CCDC146: variants seen among roughly 807,000 people sequenced by gnomAD.
CCDC146 encodes coiled-coil domain containing 146.
In CCDC146, 92 loss-of-function variants were observed where a neutral mutation model predicts 119.3. The observed-to-expected ratio is 0.77, with a 90% CI of 0.65 to 0.92. CCDC146 has a LOEUF of 0.92. CCDC146 is among the 40% of genes least tolerant of loss of function. CCDC146 has a pLI of 0.00. For missense variants in CCDC146, 1,000 were observed against 1,103.0 expected, an observed-to-expected ratio of 0.91 and a Z score of 1.32; for synonymous variants, 372 against 371.8, an observed-to-expected ratio of 1.00 and a Z score of -0.01.
At chr7:77,154,450 TC>T (rs1791150677) in intron 1 of CCDC146, among the ~76,000 whole-genome samples, 1 of 129,346 alleles carries the variant, frequency 7.7e-6, no homozygotes, top group Admixed American at 7.9e-5. Context: ...ATGTTATCCC[TC>T]CCCCCTCCCC....
intron 9 of CCDC146, among the ~76,000 whole-genome samples, chr7:77,265,639 T>C (rs1244817773): frequency 6.6e-6 from 1 of 152,194 alleles, no homozygotes; most frequent in Non-Finnish European, 1.5e-5. Flanking sequence ...ATAAACCTAA[T>C]ACACAATGTA....
At chr7:77,286,761 A>G in intron 15 of CCDC146, 37 bp from the exon 16 acceptor site, 1 of 1,606,328 alleles carries the variant, frequency 6.2e-7, no homozygotes, top group Non-Finnish European at 8.5e-7. Context: ...ACTGAGCTAG[A>G]GCGTTCATTT....
chr7:77,142,730 T>C lies in CCDC146; in HGVS notation c.-12+19998T>C, dbSNP rs201637197. On this transcript the variant is annotated intron_variant, in intron 1 of 18. Coordinates refer to ENST00000285871, the MANE Select transcript of CCDC146 (RefSeq NM_020879.3). Reference sequence around the variant, plus strand: ...GTTTCCAGCTTCATCCATGTCCCTATGAAGGACATGAACTCATCCTTTTTT... The same window carrying C: ...GTTTCCAGCTTCATCCATGTCCCTACGAAGGACATGAACTCATCCTTTTTT... 2.6e-5 allele frequency among the ~76,000 whole-genome samples: 4 copies of C among 151,806 alleles called. No homozygotes were observed. In the East Asian group the frequency reaches 5.8e-4, roughly 22 times the overall value.
At chr7:77,244,556 A>G (rs149860769) in intron 4 of CCDC146, among the ~76,000 whole-genome samples, 17 of 152,348 alleles carry the variant, frequency 1.1e-4, no homozygotes, top group Admixed American at 1.0e-3. Flanking sequence ...TTGTGTTACA[A>G]TTGCCTACAG....
At chr7:77,212,296 G>C (rs1471666588) in intron 2 of CCDC146, among the ~76,000 whole-genome samples, 2 of 151,990 alleles carry the variant, frequency 1.3e-5, no homozygotes, top group African/African-American at 4.8e-5. Flanking sequence ...ATAAGAATAA[G>C]CTTTCCTATT....
chr7:77,290,132 A>G (rs7798626), intron 17 of CCDC146, among the ~76,000 whole-genome samples: 36,155 of 151,298 alleles, frequency 0.24, 5,105 homozygotes, highest in African/African-American at 0.39. Context: ...TCAGCAAACT[A>G]TCACAAGGAC....
In CCDC146 at chr7:77,196,239, C is replaced by G. The variant is rs766846655; in HGVS notation, c.156+28415C>G. On this transcript the variant is annotated intron_variant, in intron 2 of 18. Transcript: ENST00000285871. This position sits in a 1 kb window ranked among gnomAD's most constrained non-coding sequence, Gnocchi z 4.2. ...TAAAGTGCTGAAGGAATTAATTGCCCTATTAGATAACGAATACCTGGAGGA... is the reference window on the plus strand; with the variant it reads ...TAAAGTGCTGAAGGAATTAATTGCCGTATTAGATAACGAATACCTGGAGGA... 1 of 1,434,832 alleles carries G rather than the reference C, an allele frequency of 7.0e-7. No homozygotes were observed. Among genetic ancestry groups the G allele is most frequent in the Non-Finnish European group, 9.6e-7 (1 of 1,038,110 alleles). 88.9% of individuals were successfully genotyped at this position (1,434,832 alleles called of 1,614,324 possible).
intron 1 of CCDC146, among the ~76,000 whole-genome samples, chr7:77,154,166 T>G (rs1791146919): frequency 1.3e-5 from 2 of 152,118 alleles, no homozygotes; most frequent in Non-Finnish European, 2.9e-5. Context: ...GGGTTGACTA[T>G]AATGTGCTGT....
intron 9 of CCDC146, among the ~76,000 whole-genome samples, chr7:77,263,596 C>T (rs746048265): frequency 6.6e-6 from 1 of 152,218 alleles, no homozygotes; most frequent in Non-Finnish European, 1.5e-5. Context: ...ACTTGGACTT[C>T]GTCTTGCTGT....
chr7:77,270,179 C>T (rs1468335873), intron 9 of CCDC146, among the ~76,000 whole-genome samples: 1 of 152,144 alleles, frequency 6.6e-6, no homozygotes, highest in Non-Finnish European at 1.5e-5. Flanking sequence ...TTTACAGCAA[C>T]AAGTAATGTC....
intron 1 of CCDC146, among the ~76,000 whole-genome samples, chr7:77,143,963 G>A (rs373348832): frequency 2.6e-5 from 4 of 151,806 alleles, no homozygotes; most frequent in East Asian, 3.8e-4. Flanking sequence ...AAAGTAATTG[G>A]TAGCTTGATG....
chr7:77,168,866 GC>G (rs1791377681), intron 2 of CCDC146, among the ~76,000 whole-genome samples: 1 of 151,660 alleles, frequency 6.6e-6, no homozygotes, highest in Admixed American at 6.6e-5. Flanking sequence ...AAGACACGAT[GC>G]CCCTTTATAC....
chr7:77,216,503 G>A (rs528569660), intron 2 of CCDC146, among the ~76,000 whole-genome samples: 1 of 152,106 alleles, frequency 6.6e-6, no homozygotes, highest in East Asian at 1.9e-4. Context: ...CTTGAGTTTG[G>A]GAATATAGTG....
chr7:77,126,713 C>G (rs967553085), intron 1 of CCDC146, among the ~76,000 whole-genome samples: 1 of 152,058 alleles, frequency 6.6e-6, no homozygotes, highest in Non-Finnish European at 1.5e-5. Context: ...GTCTGTCTAT[C>G]CTCTTCGTCC....
At chr7:77,265,513 G>T (rs574309323) in intron 9 of CCDC146, among the ~76,000 whole-genome samples, 1 of 152,154 alleles carries the variant, frequency 6.6e-6, no homozygotes, top group Non-Finnish European at 1.5e-5. Context: ...CTTAGCTCAA[G>T]AAGGGTTATA....
intron 2 of CCDC146, chr7:77,194,709 A>G (rs1202963483): frequency 6.6e-6 from 1 of 152,108 alleles, no homozygotes. Flanking sequence ...AGACACCAGA[A>G]ATTAAAAAAA....
intron 11 of CCDC146, among the ~76,000 whole-genome samples, chr7:77,277,085 AAAGAAT>A (rs1774303804): frequency 6.6e-6 from 1 of 152,088 alleles, no homozygotes; most frequent in South Asian, 2.1e-4. Flanking sequence ...AACGAAAAAT[AAAGAAT>A]AAGAAGGAAG....
intron 1 of CCDC146, among the ~76,000 whole-genome samples, chr7:77,126,642 A>G (rs1276608632): frequency 1.3e-5 from 2 of 151,958 alleles, no homozygotes; most frequent in Non-Finnish European, 2.9e-5. Context: ...GTCTGCTGGC[A>G]GGTTGTCTCT....
intron 2 of CCDC146, among the ~76,000 whole-genome samples, chr7:77,185,816 A>G (rs569744872): frequency 4.6e-5 from 7 of 152,336 alleles, no homozygotes; most frequent in South Asian, 4.1e-4. Context: ...AATTCAAAAT[A>G]GTTGTTTTAA....
Sources: gnomAD v4.1 joint callset for allele counts (sites outside exome capture counted in the v4.1 genomes callset) on GRCh38, gnomAD v4.1.1 for gene constraint, Gnocchi (gnomAD v3.1) non-coding constraint, MANE v1.5 for transcripts, NCBI Gene and HGNC (gene_info 2026-07-23, HGNC 2026-07-21) for gene names.